The following ZNF808 variants were observed in gnomAD, a reference collection of about 807,000 sequenced individuals.
The protein encoded by ZNF808 is zinc finger protein 808.
A neutral mutation model predicts 8.7 loss-of-function variants in ZNF808; 5 were observed. The ratio of observed to expected loss-of-function variants is 0.58; its 90% CI spans 0.30 to 1.21. ZNF808 has a LOEUF of 1.21. Among genes scored for constraint, ZNF808 ranks in the 50% most tolerant of loss-of-function variants. The probability of loss-of-function intolerance (pLI) is 0.07; values close to 1 mark genes in which losing one functional copy is unlikely to be tolerated. For missense variants in ZNF808, 1,103 were observed against 1,098.4 expected (o/e 1.00, Z -0.06); for synonymous variants, 380 against 366.0 (o/e 1.04, Z -0.44).
chr19:52,551,092 C>G (rs1456195307), intron 4 of ZNF808, among the ~76,000 whole-genome samples: 2 of 152,070 alleles, frequency 1.3e-5, no homozygotes, highest in African/African-American at 4.8e-5. Context: ...TGACTCATGC[C>G]TATAATCCCA....
At position 52,555,900 on chromosome 19, in the gene ZNF808, T is replaced by C; in HGVS notation, c.*272T>C. 2 of 699,128 alleles carry C rather than the reference T, an allele frequency of 2.9e-6. No individual in the cohort carries two copies. Among genetic ancestry groups the C allele is most frequent in the South Asian group, 2.8e-5 (2 of 71,780 alleles). 43.3% of individuals were successfully genotyped at this position (699,128 alleles called of 1,614,324 possible). ...CAAGTGTGATGATTGTGGCAAAGCC[T>C]TTACTTCACATTCACACCTCGTTGG... On this transcript the variant is annotated 3_prime_UTR_variant, in exon 5 of 5. Coordinates refer to ENST00000359798, the MANE Select transcript of ZNF808 (RefSeq NM_001039886.4).
intron 3 of ZNF808, among the ~76,000 whole-genome samples, chr19:52,562,584 A>G (rs2059861535): frequency 1.3e-5 from 2 of 152,102 alleles, no homozygotes; most frequent in Non-Finnish European, 1.5e-5. Context: ...TTTATTGTGC[A>G]ATTTGTTTTA....
chr19:52,544,708 A>G (rs746153483), intron 3 of ZNF808, among the ~76,000 whole-genome samples: 1 of 151,994 alleles, frequency 6.6e-6, no homozygotes, highest in Non-Finnish European at 1.5e-5. Flanking sequence ...TAGCCTTGAT[A>G]TCCTGGCCTC....
At chr19:52,540,881 C>G (rs1048883019) in intron 2 of ZNF808, among the ~76,000 whole-genome samples, 1 of 152,142 alleles carries the variant, frequency 6.6e-6, no homozygotes, top group Non-Finnish European at 1.5e-5. Flanking sequence ...GGATTGATGC[C>G]ATCAGAACCT....
Position 52,543,278 on chromosome 19 carries a change from A to C in ZNF808, c.-7A>C, listed in dbSNP as rs773873127. 4.3e-6 allele frequency: 7 copies of C among 1,613,614 alleles called. No individual in the cohort carries two copies. The highest frequency in any genetic ancestry group is 3.3e-5 in the South Asian group (3 of 91,056). ...TTTTCACATACAGGATTGATTTCTA[A>C]AGACTCATGTTACGTGAGGAAGCAG... On this transcript the variant is annotated 5_prime_UTR_variant, in exon 3 of 5. Coordinates refer to ENST00000359798, the MANE Select transcript of ZNF808 (RefSeq NM_001039886.4).
chr19:52,543,639 A>T (rs1232320235), intron 3 of ZNF808, among the ~76,000 whole-genome samples: 2 of 152,168 alleles, frequency 1.3e-5, no homozygotes, highest in African/African-American at 4.8e-5. Context: ...GGGCCCGTTG[A>T]TGTCAGAGCT....
chr19:52,561,237 T>C (rs866420811), downstream of ZNF808, among the ~76,000 whole-genome samples: 57 of 138,078 alleles, frequency 4.1e-4, no homozygotes, highest in South Asian at 1.2e-3. Flanking sequence ...TATATATATA[T>C]ATACACTTTT....
intron 2 of ZNF808, among the ~76,000 whole-genome samples, chr19:52,537,143 A>T (rs1358360214): frequency 4.6e-5 from 7 of 151,940 alleles, no homozygotes; most frequent in Non-Finnish European, 8.8e-5. Context: ...CCGAGATCGC[A>T]CCATTGCACT....
chr19:52,535,530 G>A lies in ZNF808; in HGVS notation c.-20+2521G>A, dbSNP rs944111638. ...CGTGCCCGCATCCCTGCTGTGTTTA[G>A]GCAGCAGGTGGTGACCTCACTCCTC... On this transcript the variant is annotated intron_variant, in intron 2 of 4. Transcript: ENST00000359798. Among the ~76,000 whole-genome samples, 38 of 151,934 alleles carry A rather than the reference G, an allele frequency of 2.5e-4. 1 individual carries two copies. The highest frequency in any genetic ancestry group is 4.9e-4 in the Non-Finnish European group (33 of 67,998).
chr19:52,567,422 T>C (rs1034392498), downstream of ZNF808, among the ~76,000 whole-genome samples: 1 of 150,060 alleles, frequency 6.7e-6, no homozygotes, highest in African/African-American at 2.4e-5. Flanking sequence ...TTTTCTTTTT[T>C]TTTTCTTTTT....
intron 4 of ZNF808, among the ~76,000 whole-genome samples, chr19:52,550,389 C>T (rs1385998166): frequency 6.6e-6 from 1 of 152,076 alleles, no homozygotes; most frequent in African/African-American, 2.4e-5. Context: ...CACCACCACA[C>T]CTGCCTAATT....
At position 52,547,515 on chromosome 19, in the gene ZNF808, C is replaced by T. The variant is rs368743128; in HGVS notation, c.67C>T (p.Arg23Cys). ...KESGMALPQG[R>C]LTFRDVAIEF... ...TGAAATGTATGTTTCATTTTAGGGA[C>T]GCTTGACTTTCAGGGATGTGGCTAT... Residue 23 changes from arginine (R) to cysteine (C), a missense_variant, in exon 4 of 5, where the codon CGC becomes TGC. Coordinates refer to ENST00000359798, the MANE Select transcript of ZNF808 (RefSeq NM_001039886.4). The T allele has an allele frequency of 2.5e-5, 40 of 1,613,626 alleles. No individual in the cohort carries two copies. Among genetic ancestry groups the T allele is most frequent in the Middle Eastern group, 1.6e-4 (1 of 6,084 alleles).
intron 1 of ZNF808, among the ~76,000 whole-genome samples, chr19:52,529,932 G>A (rs80162124): frequency 0.018 from 2,720 of 148,898 alleles, 79 homozygotes; most frequent in African/African-American, 0.064. Flanking sequence ...TTGTAGAAAC[G>A]TGGTTTCACT....
In ZNF808 at chr19:52,554,519, C is replaced by T. The variant is rs773473871; in HGVS notation, c.1603C>T (p.Leu535=). ...TGTATACCATCGTAGACTTCACACT[C>T]TAGAGAAATCTTACAAATGTACGGT... ...SLVYHRRLHT[L]EKSYKCTVCN... is the part of the protein sequence containing the mutation. The change falls in exon 5 of 5, where the codon CTA becomes TTA. Residue 535 remains leucine, a synonymous_variant. Transcript: ENST00000359798. 2 of 1,614,028 alleles carry T rather than the reference C, an allele frequency of 1.2e-6. No individual in the cohort carries two copies. Among genetic ancestry groups the T allele is most frequent in the South Asian group, 2.2e-5 (2 of 91,056 alleles).
At chr19:52,561,208 CTCTCTA>C (rs1484981712), downstream of ZNF808, among the ~76,000 whole-genome samples, 499 of 32,444 alleles carry the variant, frequency 0.015, 1 homozygote, top group South Asian at 0.017. Flanking sequence ...CTCTCTCTCT[CTCTCTA>C]TATATATATA....
chr19:52,548,837 G>C (rs1285917366), intron 4 of ZNF808, among the ~76,000 whole-genome samples: 2 of 152,050 alleles, frequency 1.3e-5, no homozygotes. Context: ...ATACTACCAG[G>C]CTGGGTGCGG....
intron 3 of ZNF808, among the ~76,000 whole-genome samples, chr19:52,546,674 T>C (rs2059724047): frequency 1.5e-5 from 1 of 68,000 alleles, no homozygotes; most frequent in Non-Finnish European, 2.6e-5. Context: ...AGATGGAATC[T>C]TGCTCTGTTG....
Position 52,555,374 on chromosome 19 carries a change from A to T in ZNF808, c.2458A>T (p.Lys820Ter). 6.2e-7 allele frequency: 1 copy of T among 1,614,188 alleles called. No homozygotes were observed. ...IRIHTAEKPY[K>*]CNECGKAFNE... ...AATTCACACTGCAGAGAAACCTTACAAGTGTAATGAATGTGGAAAGGCTTT... is the reference window on the plus strand; with the variant it reads ...AATTCACACTGCAGAGAAACCTTACTAGTGTAATGAATGTGGAAAGGCTTT... Residue 820 changes from lysine (K) to a stop codon, truncating the protein, a stop_gained, in exon 5 of 5, where the codon AAG becomes TAG. Coordinates refer to ENST00000359798, the MANE Select transcript of ZNF808 (RefSeq NM_001039886.4). LOFTEE classifies it low-confidence loss of function (END_TRUNC).
chr19:52,539,745 G>A (rs2608519), intron 2 of ZNF808, among the ~76,000 whole-genome samples: 175 of 151,532 alleles, frequency 1.2e-3, no homozygotes, highest in African/African-American at 3.9e-3. Flanking sequence ...TGGAGATGGG[G>A]TTTCTCCATC....
Sources: allele counts gnomAD v4.1 joint callset (sites outside exome capture counted in the v4.1 genomes callset), GRCh38; gene constraint gnomAD v4.1.1; transcripts MANE v1.5; gene names NCBI Gene and HGNC (gene_info 2026-07-23, HGNC 2026-07-21).